NKAIN1: variants seen among roughly 807,000 people sequenced by gnomAD.
NKAIN1 encodes sodium/potassium transporting ATPase interacting 1.
Under a neutral mutation model 31.6 loss-of-function variants are expected in NKAIN1, and 13 were observed. The ratio of observed to expected loss-of-function variants is 0.41; its 90% confidence interval spans 0.27 to 0.65. The LOEUF (loss-of-function observed/expected upper bound fraction) is 0.65, where lower values mean the gene tolerates loss of function less well. Ranked by LOEUF, NKAIN1 falls within the 30% of genes least tolerant of loss-of-function variation. NKAIN1 has a pLI of 0.30. For synonymous variants in NKAIN1, 104 were observed against 109.0 expected (o/e 0.95, Z 0.28); for missense variants, 193 against 262.2 (o/e 0.74, Z 1.82).
At chr1:31,206,272 C>A (rs55697527) in intron 1 of NKAIN1, among the ~76,000 whole-genome samples, 27 of 13,368 alleles carry the variant, frequency 2.0e-3, no homozygotes, top group Non-Finnish European at 9.5e-3. Flanking sequence ...AATAAATAAA[C>A]TCTCTGGTTT....
intron 1 of NKAIN1, among the ~76,000 whole-genome samples, chr1:31,232,317 C>A (rs1415553151): frequency 6.9e-6 from 1 of 144,764 alleles, no homozygotes; most frequent in Non-Finnish European, 1.5e-5. Flanking sequence ...TCTCGAACTC[C>A]TGACCTCAGG....
At chr1:31,218,780 C>T (rs370283208) in intron 1 of NKAIN1, among the ~76,000 whole-genome samples, 14 of 152,208 alleles carry the variant, frequency 9.2e-5, no homozygotes, top group African/African-American at 3.4e-4. Flanking sequence ...AGTCGACAAC[C>T]ACAGTGTGAT....
intron 1 of NKAIN1, among the ~76,000 whole-genome samples, chr1:31,227,874 C>G (rs1645619907): frequency 6.6e-6 from 1 of 152,210 alleles, no homozygotes; most frequent in Non-Finnish European, 1.5e-5. Context: ...GGCTCCAACG[C>G]TGGCCTGAAC....
At chr1:31,200,090 C>T (rs1053552725) in intron 1 of NKAIN1, among the ~76,000 whole-genome samples, 1 of 152,114 alleles carries the variant, frequency 6.6e-6, no homozygotes, top group Non-Finnish European at 1.5e-5. Flanking sequence ...CGCGCACACG[C>T]ATTCACACAC....
At chr1:31,234,869 C>T (rs1398212233) in intron 1 of NKAIN1, among the ~76,000 whole-genome samples, 2 of 152,198 alleles carry the variant, frequency 1.3e-5, no homozygotes, top group Admixed American at 6.6e-5. Flanking sequence ...GAAGAGTCCT[C>T]GCATCTTGGT....
intron 1 of NKAIN1, among the ~76,000 whole-genome samples, chr1:31,205,761 T>C (rs1358896902): frequency 6.6e-6 from 1 of 151,528 alleles, no homozygotes; most frequent in African/African-American, 2.4e-5. Flanking sequence ...TAGCTGGGAT[T>C]ACAGGTGTGT....
intron 1 of NKAIN1, among the ~76,000 whole-genome samples, chr1:31,189,471 C>A (rs1645269609): frequency 6.6e-6 from 1 of 152,134 alleles, no homozygotes; most frequent in Admixed American, 6.5e-5. Flanking sequence ...CACCTGCCAC[C>A]ATACGCAGCT....
chr1:31,237,642 G>A (rs1010764983), intron 1 of NKAIN1, among the ~76,000 whole-genome samples: 1 of 151,878 alleles, frequency 6.6e-6, no homozygotes, highest in Admixed American at 6.6e-5. Flanking sequence ...TGGGATTACA[G>A]ATGCGTGCCA....
rs1429361319 is a variant in NKAIN1, at chr1:31,180,214, C to G, written c.*1489G>C. The G allele has an allele frequency of 6.6e-6, 1 of 152,406 alleles. No homozygotes were observed. Among genetic ancestry groups the G allele is most frequent in the African/African-American group, 2.4e-5 (1 of 41,468 alleles). 9.4% of individuals were successfully genotyped at this position (152,406 alleles called of 1,614,324 possible). ...AGACAGGCTCAGGTGTGCAAACCAT[C>G]TGCACCATCTGGGTGCCCCCCAGTT... On this transcript the variant is annotated 3_prime_UTR_variant, in exon 7 of 7. Coordinates refer to ENST00000373736, the MANE Select transcript of NKAIN1 (RefSeq NM_024522.3).
rs1645670219 is a variant in NKAIN1 at position 31,233,434 on chromosome 1, T to C, written c.54+6060A>G. 6.6e-6 allele frequency among the ~76,000 whole-genome samples: 1 copy of C among 152,206 alleles called. No individual in the cohort carries two copies. Among genetic ancestry groups the C allele is most frequent in the South Asian group, 2.1e-4 (1 of 4,832 alleles). On this transcript the variant is annotated intron_variant, in intron 1 of 6. Coordinates refer to ENST00000373736, the MANE Select transcript of NKAIN1 (RefSeq NM_024522.3). This position sits in a 1 kb window ranked among gnomAD's most constrained non-coding sequence, Gnocchi z 4.0. ...AATACTAGCAGGGGGCAATGGGGCA[T>C]GCAGGGAGAAGCTGTGGAGTCCCAG...
At chr1:31,218,071 T>TCTTTCTTTCTTTCTTTCTCTTTC (rs201070152) in intron 1 of NKAIN1, among the ~76,000 whole-genome samples, 1 of 133,710 alleles carries the variant, frequency 7.5e-6, no homozygotes, top group African/African-American at 2.8e-5. Context: ...TTTCTTTCTT[T>TCTTTCTTTCTTTCTTTCTCTTTC]TTTTTTTTTG....
intron 1 of NKAIN1, among the ~76,000 whole-genome samples, chr1:31,202,072 G>A (rs1645384381): frequency 6.6e-6 from 1 of 152,168 alleles, no homozygotes; most frequent in African/African-American, 2.4e-5. Flanking sequence ...GAGCTGCTAG[G>A]GAGGCCCAGG....
chr1:31,220,702 C>T (rs1427456684), intron 1 of NKAIN1, among the ~76,000 whole-genome samples: 2 of 136,080 alleles, frequency 1.5e-5, no homozygotes, highest in Non-Finnish European at 1.5e-5. Context: ...TTGCGGTGAG[C>T]CAAGATAGTG....
chr1:31,206,657 AAACTCTTGAGCTCC>A (rs1221079957), intron 1 of NKAIN1, among the ~76,000 whole-genome samples: 1 of 151,994 alleles, frequency 6.6e-6, no homozygotes, highest in East Asian at 1.9e-4. Context: ...GGTTGGTCTC[AAACTCTTGAGCTCC>A]AGCAATTTGC....
chr1:31,217,956 A>C (rs1036131305), intron 1 of NKAIN1, among the ~76,000 whole-genome samples: 11 of 151,392 alleles, frequency 7.3e-5, no homozygotes, highest in Admixed American at 5.3e-4. Context: ...CTTCATAGGC[A>C]CTCCTGTCCT....
chr1:31,202,001 C>T (rs533778859), intron 1 of NKAIN1, among the ~76,000 whole-genome samples: 1 of 152,302 alleles, frequency 6.6e-6, no homozygotes, highest in Non-Finnish European at 1.5e-5. Flanking sequence ...CTCCGCTGGG[C>T]CTGGGGAGCC....
At chr1:31,192,229 C>T (rs1645291039) in intron 1 of NKAIN1, among the ~76,000 whole-genome samples, 1 of 152,208 alleles carries the variant, frequency 6.6e-6, no homozygotes, top group African/African-American at 2.4e-5. Flanking sequence ...ATGGCTCTGG[C>T]CTTCCTTCAT....
chr1:31,181,517 A>T lies in NKAIN1; in HGVS notation c.*186T>A. On this transcript the variant is annotated 3_prime_UTR_variant, in exon 7 of 7. Coordinates refer to ENST00000373736, the MANE Select transcript of NKAIN1 (RefSeq NM_024522.3). The stretch of plus-strand genomic sequence containing the variant: ...TCCGAAGTCCGGGCTGCGAAGAGCC[A>T]AGCTCAAATCCAAGTCCAAGTCCAA... 2.1e-6 allele frequency: 1 copy of T among 471,712 alleles called. No homozygotes were observed. Among genetic ancestry groups the T allele is most frequent in the Non-Finnish European group, 3.5e-6 (1 of 285,060 alleles). 29.2% of individuals were successfully genotyped at this position (471,712 alleles called of 1,614,324 possible). A position where few individuals can be genotyped will look rare whatever the true frequency, so the allele number is the denominator to read the frequency against.
chr1:31,198,715 G>A (rs1477652231), intron 1 of NKAIN1, among the ~76,000 whole-genome samples: 1 of 145,620 alleles, frequency 6.9e-6, no homozygotes, highest in Non-Finnish European at 1.5e-5. Flanking sequence ...CCTGCCCTTC[G>A]CTCCCCGCCC....
Sources: allele counts gnomAD v4.1 joint callset (sites outside exome capture counted in the v4.1 genomes callset), GRCh38; gene constraint gnomAD v4.1.1; non-coding constraint Gnocchi (gnomAD v3.1); transcripts MANE v1.5; gene names NCBI Gene and HGNC (gene_info 2026-07-23, HGNC 2026-07-21).